Variants in ATXN10 observed in about 807,000 individuals in gnomAD.
ATXN10 encodes ataxin-10.
A neutral mutation model predicts 52.9 loss-of-function variants in ATXN10; 28 were observed. The observed-to-expected ratio is 0.53, with a 90% CI of 0.39 to 0.73. ATXN10 has a LOEUF of 0.73. ATXN10 is among the 30% of genes least tolerant of loss of function. ATXN10 has a pLI of 0.00. For missense variants in ATXN10, 565 were observed against 577.0 expected (o/e 0.98, Z 0.21); for synonymous variants, 226 against 221.5 (o/e 1.02, Z -0.18).
chr22:45,819,321 T>C lies in ATXN10; in HGVS notation c.1237+12299T>C, dbSNP rs1403697529. Among the ~76,000 whole-genome samples the C allele has an allele frequency of 6.6e-6, 1 of 152,202 alleles. No individual in the cohort carries two copies. The highest frequency in any genetic ancestry group is 1.5e-5 in the Non-Finnish European group (1 of 68,040). ...GATGTATAAGATCAGATCATAAGCC[T>C]AAAGTAGCCTAAAGTATCAGCTCAA... On this transcript the variant is annotated intron_variant, in intron 10 of 11. Coordinates refer to ENST00000252934, the MANE Select transcript of ATXN10 (RefSeq NM_013236.4). This position sits in a 1 kb window ranked among gnomAD's most constrained non-coding sequence, Gnocchi z 4.5.
chr22:45,675,586 G>C (rs73173373), intron 1 of ATXN10: 2,104 of 152,344 alleles, frequency 0.014, 15 homozygotes, highest in Middle Eastern at 0.024. Flanking sequence ...GTGGTGAGGA[G>C]CTGAGGCCTC....
intron 10 of ATXN10, among the ~76,000 whole-genome samples, chr22:45,814,480 G>A (rs8136143): frequency 0.051 from 7,771 of 152,276 alleles, 210 homozygotes; most frequent in Non-Finnish European, 0.06. Flanking sequence ...GTGATGGCAA[G>A]GATATGAAGC....
chr22:45,810,196 C>G (rs1217637100), intron 10 of ATXN10, among the ~76,000 whole-genome samples: 1 of 152,150 alleles, frequency 6.6e-6, no homozygotes, highest in African/African-American at 2.4e-5. Flanking sequence ...CACTGTAGCG[C>G]CACCTTTATC....
At chr22:45,719,158 A>G (rs900399354) in intron 6 of ATXN10, among the ~76,000 whole-genome samples, 7 of 152,136 alleles carry the variant, frequency 4.6e-5, no homozygotes, top group African/African-American at 1.7e-4. Flanking sequence ...CTTCATTTCA[A>G]TAGAATATAT....
chr22:45,697,208 C>T (rs972520201), intron 3 of ATXN10, among the ~76,000 whole-genome samples: 3 of 152,038 alleles, frequency 2.0e-5, no homozygotes, highest in African/African-American at 7.3e-5. Context: ...AATCTCGGCT[C>T]ACTACAGTCT....
chr22:45,834,866 G>A (rs1327545609), intron 10 of ATXN10, among the ~76,000 whole-genome samples: 1 of 152,212 alleles, frequency 6.6e-6, no homozygotes, highest in Admixed American at 6.5e-5. Flanking sequence ...CCGAGTCTCA[G>A]ATGTGACATT....
chr22:45,821,447 T>C (rs1459124440), intron 10 of ATXN10, among the ~76,000 whole-genome samples: 6 of 151,786 alleles, frequency 4.0e-5, no homozygotes, highest in African/African-American at 1.5e-4. Context: ...AAAATGATGA[T>C]TGTGAAAGAC....
rs1396959032 is a variant in ATXN10 at position 45,690,373 on chromosome 22, G to A, written c.308+470G>A. The stretch of plus-strand genomic sequence containing the variant: ...CATCTGCTGGGAGAGGCCCTCTACA[G>A]GCCTTGCCATTGGAGTCTCTCTGAC... On this transcript the variant is annotated intron_variant, in intron 2 of 11. Coordinates refer to ENST00000252934, the MANE Select transcript of ATXN10 (RefSeq NM_013236.4). The surrounding 1 kb of genome is among the most constrained non-coding windows in gnomAD (Gnocchi z 4.5). 6.6e-6 allele frequency among the ~76,000 whole-genome samples: 1 copy of A among 152,118 alleles called. No homozygotes were observed.
rs1452575833 is a variant in ATXN10 at position 45,684,204 on chromosome 22, G to A, written c.117-5508G>A. On this transcript the variant is annotated intron_variant, in intron 1 of 11. Coordinates refer to ENST00000252934, the MANE Select transcript of ATXN10 (RefSeq NM_013236.4). This position sits in a 1 kb window ranked among gnomAD's most constrained non-coding sequence, Gnocchi z 4.1. ...CAGGTCTTGAACTCTCCTGGCTTCT[G>A]CCTCTCAAAGCACTGGAATTATAGG... 1.3e-5 allele frequency among the ~76,000 whole-genome samples: 2 copies of A among 150,220 alleles called. No individual in the cohort carries two copies. Among genetic ancestry groups the A allele is most frequent in the Non-Finnish European group, 3.0e-5 (2 of 67,746 alleles).
In ATXN10 at chr22:45,732,129, A is replaced by G. The variant is rs985776147; in HGVS notation, c.894+2539A>G. Among the ~76,000 whole-genome samples the G allele has an allele frequency of 5.3e-5, 8 of 152,040 alleles. No homozygotes were observed. Among genetic ancestry groups the G allele is most frequent in the African/African-American group, 1.4e-4 (6 of 41,412 alleles). ...TTTCCTTTGGACTTTTTTCTCTAAGATGGGAAGTATTTTTATATATTAATG... is the reference window on the plus strand; with the variant it reads ...TTTCCTTTGGACTTTTTTCTCTAAGGTGGGAAGTATTTTTATATATTAATG... On this transcript the variant is annotated intron_variant, in intron 7 of 11. Coordinates refer to ENST00000252934, the MANE Select transcript of ATXN10 (RefSeq NM_013236.4). This position sits in a 1 kb window ranked among gnomAD's most constrained non-coding sequence, Gnocchi z 4.5.
At chr22:45,755,720 G>A (rs1926149969) in intron 9 of ATXN10, among the ~76,000 whole-genome samples, 1 of 152,166 alleles carries the variant, frequency 6.6e-6, no homozygotes, top group South Asian at 2.1e-4. Context: ...TTTCCAAAAT[G>A]AATAATAATG....
At position 45,720,902 on chromosome 22, in the gene ATXN10, C is replaced by G. The variant is rs1008896566; in HGVS notation, c.728+2409C>G. Among the ~76,000 whole-genome samples the G allele has an allele frequency of 1.3e-5, 2 of 152,142 alleles. 1 individual carries two copies. Among genetic ancestry groups the G allele is most frequent in the Non-Finnish European group, 2.9e-5 (2 of 68,030 alleles). On this transcript the variant is annotated intron_variant, in intron 6 of 11. Transcript: ENST00000252934. ...GGCACTGGCATTTGGTGAGGGCTCTCTTGCTGTGTTATCCCATGGTGGGAG... is the reference window on the plus strand; with the variant it reads ...GGCACTGGCATTTGGTGAGGGCTCTGTTGCTGTGTTATCCCATGGTGGGAG...
intron 9 of ATXN10, among the ~76,000 whole-genome samples, chr22:45,760,017 G>A (rs928141556): frequency 6.6e-6 from 1 of 152,210 alleles, no homozygotes; most frequent in Non-Finnish European, 1.5e-5. Flanking sequence ...CCTAAGAAAG[G>A]AAGGAGGAAC....
intron 10 of ATXN10, among the ~76,000 whole-genome samples, chr22:45,821,737 C>T (rs943602004): frequency 2.0e-5 from 3 of 152,254 alleles, no homozygotes; most frequent in South Asian, 2.1e-4. Context: ...CCTGATGCAA[C>T]CTGTGAACTG....
chr22:45,706,873 A>G lies in ATXN10; in HGVS notation c.647+4026A>G, dbSNP rs540219585. On this transcript the variant is annotated intron_variant, in intron 5 of 11. Transcript: ENST00000252934. ...TTGGTGGCATGTTCTGTAGATATCTATTAGGTCTGGTTGGCTAGATGGTTG... is the reference window on the plus strand; with the variant it reads ...TTGGTGGCATGTTCTGTAGATATCTGTTAGGTCTGGTTGGCTAGATGGTTG... 3.9e-5 allele frequency among the ~76,000 whole-genome samples: 6 copies of G among 152,222 alleles called. No homozygotes were observed. In the East Asian group the frequency reaches 5.8e-4, roughly 15 times the overall value.
Position 45,733,978 on chromosome 22 carries a change from A to G in ATXN10, c.894+4388A>G, listed in dbSNP as rs1438786321. Among the ~76,000 whole-genome samples, 1 of 151,998 alleles carries G rather than the reference A, an allele frequency of 6.6e-6. No homozygotes were observed. Among genetic ancestry groups the G allele is most frequent in the Non-Finnish European group, 1.5e-5 (1 of 68,008 alleles). ...TTTGCACTTTAGCATGTGTATATTC[A>G]TTGTATGTTTTTAATAGTTGAATAA... On this transcript the variant is annotated intron_variant, in intron 7 of 11. Transcript: ENST00000252934. The surrounding 1 kb of genome is among the most constrained non-coding windows in gnomAD (Gnocchi z 4.4).
chr22:45,748,625 A>G (rs6007152), intron 9 of ATXN10, among the ~76,000 whole-genome samples: 7,380 of 152,278 alleles, frequency 0.048, 202 homozygotes, highest in Non-Finnish European at 0.061. Context: ...ATTACAGGGC[A>G]TATGTCTTAC....
In ATXN10 at chr22:45,735,385, C is replaced by T. The variant is rs374594052; in HGVS notation, c.895-3346C>T. ...CGTAGCTTGCTATATTCTCCAACTC[C>T]TGGGCTTGAGGATCCTCCCACCTAC... is the stretch of plus-strand genomic sequence containing the variant. On this transcript the variant is annotated intron_variant, in intron 7 of 11. Coordinates refer to ENST00000252934, the MANE Select transcript of ATXN10 (RefSeq NM_013236.4). Among the ~76,000 whole-genome samples, 66 of 151,932 alleles carry T rather than the reference C, an allele frequency of 4.3e-4. 1 individual carries two copies. The highest frequency in any genetic ancestry group is 1.4e-3 in the African/African-American group (58 of 41,356).
At chr22:45,765,616 A>G (rs1982393472) in intron 9 of ATXN10, among the ~76,000 whole-genome samples, 1 of 152,172 alleles carries the variant, frequency 6.6e-6, no homozygotes, top group Non-Finnish European at 1.5e-5. Context: ...AAATATTTTA[A>G]AAGCCCCTCC....
Sources: allele counts gnomAD v4.1 joint callset (sites outside exome capture counted in the v4.1 genomes callset), GRCh38; gene constraint gnomAD v4.1.1; non-coding constraint Gnocchi (gnomAD v3.1); transcripts MANE v1.5; gene names NCBI Gene and HGNC (gene_info 2026-07-23, HGNC 2026-07-21).